The following WWOX variants were observed in gnomAD, a reference collection of about 807,000 sequenced individuals.
WWOX encodes WW domain-containing oxidoreductase.
Under a neutral mutation model 46.2 loss-of-function variants are expected in WWOX, and 69 were observed. That is an observed-to-expected ratio of 1.49 (90% confidence interval 1.23 to 1.82). The LOEUF (loss-of-function observed/expected upper bound fraction) is 1.82, where lower values mean the gene tolerates loss of function less well. Ranked by LOEUF, WWOX falls within the 40% of genes most tolerant of loss-of-function variation. The pLI is 0.00. For synonymous variants in WWOX, 359 were observed against 202.6 expected, an observed-to-expected ratio of 1.77 and a Z score of -6.56; for missense variants, 919 against 542.6, an observed-to-expected ratio of 1.69 and a Z score of -6.89.
intron 8 of WWOX, among the ~76,000 whole-genome samples, chr16:78,440,657 C>A: frequency 6.6e-6 from 1 of 151,042 alleles, no homozygotes; most frequent in Non-Finnish European, 1.5e-5. Flanking sequence ...CTCTCCGTTG[C>A]CCGGATTGGA....
In WWOX at chr16:79,049,048, G is replaced by A. The variant is rs886286942; in HGVS notation, c.1057-162560G>A. ...TGCTAGATACCCGAGATACAAAAGC[G>A]ACAAGGTTTCTATCCTCTGACAGTT... is the stretch of plus-strand genomic sequence containing the variant. On this transcript the variant is annotated intron_variant, in intron 8 of 8. Coordinates refer to ENST00000566780, the MANE Select transcript of WWOX (RefSeq NM_016373.4). 4.6e-5 allele frequency among the ~76,000 whole-genome samples: 7 copies of A among 152,160 alleles called. No individual in the cohort carries two copies. The South Asian group carries it at 1.0e-3, about 23-fold the overall frequency.
chr16:78,815,082 C>A (rs1028804298), intron 8 of WWOX, among the ~76,000 whole-genome samples: 1 of 152,144 alleles, frequency 6.6e-6, no homozygotes, highest in African/African-American at 2.4e-5. Flanking sequence ...CCCAACACTT[C>A]GGGAGGCCGA....
intron 8 of WWOX, among the ~76,000 whole-genome samples, chr16:78,857,520 A>G (rs771200161): frequency 9.2e-5 from 14 of 152,200 alleles, no homozygotes; most frequent in Non-Finnish European, 1.8e-4. Context: ...TAATGCGATT[A>G]AGACTTGTTC....
At chr16:78,757,258 A>G (rs1469386094) in intron 8 of WWOX, among the ~76,000 whole-genome samples, 1 of 152,246 alleles carries the variant, frequency 6.6e-6, no homozygotes, top group African/African-American at 2.4e-5. Context: ...GCCCATTCAA[A>G]GAGTCTAAAC....
At chr16:78,478,165 A>G (rs2084397503) in intron 8 of WWOX, among the ~76,000 whole-genome samples, 1 of 152,212 alleles carries the variant, frequency 6.6e-6, no homozygotes, top group Admixed American at 6.5e-5. Context: ...AGTGTAATCA[A>G]TTTTGAGGTT....
chr16:78,814,497 A>G (rs1256909942), intron 8 of WWOX, among the ~76,000 whole-genome samples: 1 of 152,138 alleles, frequency 6.6e-6, no homozygotes, highest in Non-Finnish European at 1.5e-5. Context: ...GTGAACCTCT[A>G]CTTTAGAATG....
At chr16:78,277,443 C>G (rs1388094152) in intron 5 of WWOX, among the ~76,000 whole-genome samples, 5 of 151,944 alleles carry the variant, frequency 3.3e-5, no homozygotes, top group Admixed American at 3.3e-4. Context: ...CTCCGGATTC[C>G]AGGGAGTTCT....
intron 8 of WWOX, chr16:79,205,169 C>CA (rs1192921655): frequency 6.6e-6 from 1 of 152,296 alleles, no homozygotes; most frequent in Admixed American, 6.5e-5. Flanking sequence ...CTTCCCCCTG[C>CA]ATGCGTTTCT....
At position 78,881,015 on chromosome 16, in the gene WWOX, C is replaced by A. The variant is rs1447869195; in HGVS notation, c.1057-330593C>A. ...TTCTTTTTTTTTTTTTTTTTTGAGA[C>A]AAAGTCTCGCCCTGTTGCCAGGCTG... On this transcript the variant is annotated intron_variant, in intron 8 of 8. Transcript: ENST00000566780. Among the ~76,000 whole-genome samples the A allele has an allele frequency of 6.1e-5, 7 of 114,202 alleles. No homozygotes were observed. The East Asian group carries it at 1.1e-3, about 18-fold the overall frequency. The allele number at this position is 114,202 out of a possible 152,430, so 74.9% of individuals were successfully genotyped here.
At chr16:79,002,213 C>CTTTTT (rs67180105) in intron 8 of WWOX, among the ~76,000 whole-genome samples, 2 of 41,302 alleles carry the variant, frequency 4.8e-5, no homozygotes, top group African/African-American at 9.9e-5. Context: ...GGTGTCCTGC[C>CTTTTT]TTTTTTTTTT....
intron 8 of WWOX, among the ~76,000 whole-genome samples, chr16:78,450,947 C>CT (rs1466289728): frequency 2.6e-5 from 4 of 152,202 alleles, no homozygotes; most frequent in Non-Finnish European, 4.4e-5. Flanking sequence ...GTTCCAAGCA[C>CT]TGGGAAGGAG....
chr16:78,935,783 C>G (rs1019593504), intron 8 of WWOX, among the ~76,000 whole-genome samples: 1 of 151,900 alleles, frequency 6.6e-6, no homozygotes, highest in Non-Finnish European at 1.5e-5. Context: ...CGTGATGGCA[C>G]CTGCCTGTAC....
intron 5 of WWOX, among the ~76,000 whole-genome samples, chr16:78,372,398 G>C (rs879735045): frequency 3.9e-5 from 6 of 152,270 alleles, no homozygotes; most frequent in Admixed American, 1.3e-4. Flanking sequence ...AGGTGGAGTA[G>C]AGACAGAATA....
intron 8 of WWOX, among the ~76,000 whole-genome samples, chr16:79,039,428 C>G (rs533708791): frequency 4.6e-5 from 7 of 152,294 alleles, no homozygotes; most frequent in South Asian, 4.1e-4. Flanking sequence ...AGCCCTGGAA[C>G]AGGAGGAGCA....
intron 8 of WWOX, among the ~76,000 whole-genome samples, chr16:78,601,252 C>T (rs181282007): frequency 9.9e-5 from 15 of 152,208 alleles, no homozygotes; most frequent in South Asian, 2.1e-4. Flanking sequence ...AGAAGGAAGC[C>T]GGGTCCCTCT....
At chr16:79,101,098 C>G (rs2150630086) in intron 8 of WWOX, 1 of 152,500 alleles carries the variant, frequency 6.6e-6, no homozygotes, top group African/African-American at 2.4e-5. Flanking sequence ...AAAACGGCCA[C>G]TCAGAAATGG....
At chr16:79,014,886 A>G (rs2047381923) in intron 8 of WWOX, among the ~76,000 whole-genome samples, 1 of 152,184 alleles carries the variant, frequency 6.6e-6, no homozygotes, top group Non-Finnish European at 1.5e-5. Flanking sequence ...CAGCTGTTTC[A>G]ATGAGCATTT....
rs566262190 is a variant in WWOX at position 78,661,147 on chromosome 16, C to T, written c.1056+228395C>T. Among the ~76,000 whole-genome samples, 428 of 152,266 alleles carry T rather than the reference C, an allele frequency of 2.8e-3. 4 individuals are homozygous for T. The highest frequency in any genetic ancestry group is 0.017 in the Middle Eastern group (5 of 294). ...CTGTGTACACCTTTGAAACAATTAA[C>T]TTCACCAAAATTACTAAACTGTCCT... On this transcript the variant is annotated intron_variant, in intron 8 of 8. Transcript: ENST00000566780.
Position 79,093,881 on chromosome 16 carries a change from G to A in WWOX, c.1057-117727G>A, listed in dbSNP as rs1050942916. Among the ~76,000 whole-genome samples, 8 of 152,102 alleles carry A rather than the reference G, an allele frequency of 5.3e-5. No individual in the cohort carries two copies. The East Asian group carries it at 7.7e-4, about 15-fold the overall frequency. On this transcript the variant is annotated intron_variant, in intron 8 of 8. Transcript: ENST00000566780. ...GACTCAGCCCAGAGTGGGCCTCACC[G>A]CAGCTTCCTGGCCACTTTCTCGCTC...
Sources: allele counts gnomAD v4.1 joint callset (sites outside exome capture counted in the v4.1 genomes callset), GRCh38; gene constraint gnomAD v4.1.1; transcripts MANE v1.5; gene names NCBI Gene and HGNC (gene_info 2026-07-23, HGNC 2026-07-21).